Variants in CMSS1 observed in about 807,000 individuals in gnomAD.
CMSS1 encodes the protein protein CMSS1.
In CMSS1, 33 loss-of-function variants were observed where a neutral mutation model predicts 43.5. That is an observed-to-expected ratio of 0.76 (90% CI 0.57 to 1.01). The LOEUF (loss-of-function observed/expected upper bound fraction) is 1.01, where lower values mean the gene tolerates loss of function less well. CMSS1 is among the 50% of genes least tolerant of loss of function. The pLI, the probability that CMSS1 is intolerant of heterozygous loss-of-function variation, is 0.00. For synonymous variants in CMSS1, 115 were observed against 117.2 expected, an observed-to-expected ratio of 0.98 and a Z score of 0.12; for missense variants, 313 against 326.4, an observed-to-expected ratio of 0.96 and a Z score of 0.32.
At chr3:100,162,782 T>C (rs139050929) in intron 4 of CMSS1, among the ~76,000 whole-genome samples, 59 of 152,334 alleles carry the variant, frequency 3.9e-4, no homozygotes, top group African/African-American at 1.4e-3. Context: ...AAGACCAGAC[T>C]GGCCAACATA....
At chr3:100,172,013 T>A in intron 7 of CMSS1, 114 bp downstream of exon 7, 1 of 810,102 alleles carries the variant, frequency 1.2e-6, no homozygotes, top group Non-Finnish European at 2.0e-6. Context: ...CTTCCTTATG[T>A]AACATTTAAC....
At chr3:100,130,328 G>A (rs1258595150) in intron 1 of CMSS1, among the ~76,000 whole-genome samples, 1 of 152,140 alleles carries the variant, frequency 6.6e-6, no homozygotes, top group Non-Finnish European at 1.5e-5. Flanking sequence ...AGTGCACTAC[G>A]TAGGCCATGA....
At chr3:99,850,371 G>A in intron 1 of CMSS1, 1 of 1,612,628 alleles carries the variant, frequency 6.2e-7, no homozygotes. Context: ...GTTTGCTTTT[G>A]TTGAAAGCGT....
At chr3:99,887,741 G>C (rs1338848866) in intron 1 of CMSS1, among the ~76,000 whole-genome samples, 1 of 152,122 alleles carries the variant, frequency 6.6e-6, no homozygotes, top group Non-Finnish European at 1.5e-5. Context: ...ATATGGATAT[G>C]ATGTAGATAT....
intron 2 of CMSS1, among the ~76,000 whole-genome samples, chr3:100,152,020 T>C (rs1440460156): frequency 6.6e-6 from 1 of 152,154 alleles, no homozygotes; most frequent in Non-Finnish European, 1.5e-5. Flanking sequence ...ATAACCTTTA[T>C]TGACATTTCT....
At chr3:100,020,344 A>G (rs1349902941) in intron 1 of CMSS1, among the ~76,000 whole-genome samples, 1 of 152,218 alleles carries the variant, frequency 6.6e-6, no homozygotes, top group Non-Finnish European at 1.5e-5. Context: ...AGACAACTTT[A>G]CAACCAGAAG....
chr3:99,891,998 A>AT (rs1027692027), intron 1 of CMSS1, among the ~76,000 whole-genome samples: 25 of 152,252 alleles, frequency 1.6e-4, no homozygotes, highest in African/African-American at 5.5e-4. Context: ...AATTTTTCTG[A>AT]TTTTTTCACA....
In CMSS1 at chr3:100,029,937, C is replaced by A. The variant is rs574057938; in HGVS notation, c.65-117036C>A. 2.0e-5 allele frequency among the ~76,000 whole-genome samples: 3 copies of A among 152,190 alleles called. No homozygotes were observed. In the East Asian group the frequency reaches 5.8e-4, roughly 29 times the overall value. ...GAGATCTTGGAACGTTTAGAAGCAG[C>A]CCAGGTGTGACATGAGTGAGGACTC... is the stretch of plus-strand genomic sequence containing the variant. On this transcript the variant is annotated intron_variant, in intron 1 of 9. Transcript: ENST00000421999.
chr3:99,890,717 A>G (rs190956089), intron 1 of CMSS1, among the ~76,000 whole-genome samples: 51 of 149,964 alleles, frequency 3.4e-4, no homozygotes, highest in African/African-American at 1.2e-3. Flanking sequence ...AACTAGAAAT[A>G]CCAATCCGCT....
intron 1 of CMSS1, among the ~76,000 whole-genome samples, chr3:99,948,347 A>G (rs1708072694): frequency 6.6e-6 from 1 of 152,028 alleles, no homozygotes; most frequent in East Asian, 1.9e-4. Context: ...AAAAAATTAA[A>G]AAATTTTTTA....
intron 1 of CMSS1, among the ~76,000 whole-genome samples, chr3:99,934,723 C>T (rs1324079808): frequency 6.6e-6 from 1 of 152,184 alleles, no homozygotes; most frequent in Non-Finnish European, 1.5e-5. Context: ...TTCTAGCTTC[C>T]TCACCTCACT....
intron 1 of CMSS1, among the ~76,000 whole-genome samples, chr3:100,100,178 G>A (rs1023053423): frequency 1.3e-5 from 2 of 152,158 alleles, no homozygotes; most frequent in Non-Finnish European, 2.9e-5. Flanking sequence ...TCAGATTTTG[G>A]TGTGTGGGCT....
intron 1 of CMSS1, among the ~76,000 whole-genome samples, chr3:100,085,477 C>T (rs2065992902): frequency 6.6e-6 from 1 of 152,188 alleles, no homozygotes; most frequent in Non-Finnish European, 1.5e-5. Context: ...CAAAACCATA[C>T]ATCAATCCAA....
chr3:99,834,855 C>T (rs1942831976), intron 1 of CMSS1, among the ~76,000 whole-genome samples: 1 of 152,128 alleles, frequency 6.6e-6, no homozygotes, highest in Non-Finnish European at 1.5e-5. Context: ...AACACTTTAC[C>T]CATGTAAACC....
At chr3:100,057,840 G>A (rs138768361) in intron 1 of CMSS1, among the ~76,000 whole-genome samples, 1 of 152,250 alleles carries the variant, frequency 6.6e-6, no homozygotes, top group African/African-American at 2.4e-5. Context: ...CCTCATCCTT[G>A]TTTAGAATTA....
intron 1 of CMSS1, among the ~76,000 whole-genome samples, chr3:99,887,333 T>C (rs1705934500): frequency 6.6e-6 from 1 of 152,102 alleles, no homozygotes; most frequent in African/African-American, 2.4e-5. Flanking sequence ...AAAGTTCATC[T>C]GGACCTTGAA....
intron 1 of CMSS1, among the ~76,000 whole-genome samples, chr3:99,854,675 A>C (rs1010219272): frequency 1.3e-5 from 1 of 78,872 alleles, no homozygotes; most frequent in African/African-American, 6.4e-5. Context: ...GACATTGCCA[A>C]ATGTCTCCTG....
intron 1 of CMSS1, among the ~76,000 whole-genome samples, chr3:99,826,463 A>G (rs1041353919): frequency 3.3e-5 from 5 of 152,198 alleles, no homozygotes; most frequent in Admixed American, 2.6e-4. Flanking sequence ...CTGTGTTCCA[A>G]TAAAATTTTA....
chr3:99,856,318 G>T (rs1342914908), intron 1 of CMSS1, among the ~76,000 whole-genome samples: 2 of 152,224 alleles, frequency 1.3e-5, no homozygotes, highest in African/African-American at 4.8e-5. Context: ...ATGAATAGTG[G>T]ACGTAGACGT....
Sources: allele counts gnomAD v4.1 joint callset (sites outside exome capture counted in the v4.1 genomes callset), GRCh38; gene constraint gnomAD v4.1.1; transcripts MANE v1.5; gene names NCBI Gene and HGNC (gene_info 2026-07-23, HGNC 2026-07-21).